Variants in GPC5 observed in about 807,000 individuals in gnomAD.
GPC5 encodes glypican-5.
Under a neutral mutation model 53.9 loss-of-function variants are expected in GPC5, and 47 were observed. That is an observed-to-expected ratio of 0.87 (90% confidence interval 0.69 to 1.11). The LOEUF is 1.11. Among genes scored for constraint, GPC5 ranks in the 50% most tolerant of loss-of-function variants. The probability of loss-of-function intolerance (pLI) is 0.00; values close to 1 mark genes in which losing one functional copy is unlikely to be tolerated. For synonymous variants in GPC5, 286 were observed against 263.3 expected (o/e 1.09, Z -0.84); for missense variants, 748 against 713.1 (o/e 1.05, Z -0.56).
At chr13:91,703,065 A>T (rs2036026710) in intron 3 of GPC5, among the ~76,000 whole-genome samples, 1 of 152,084 alleles carries the variant, frequency 6.6e-6, no homozygotes, top group Non-Finnish European at 1.5e-5. Context: ...TTTATTATTT[A>T]TTACCTTTTC....
At chr13:92,282,184 A>G (rs1335095169) in intron 7 of GPC5, among the ~76,000 whole-genome samples, 3 of 152,224 alleles carry the variant, frequency 2.0e-5, no homozygotes, top group Non-Finnish European at 2.9e-5. Context: ...AAGTGAGAAG[A>G]GAAGTTTAGA....
At chr13:91,897,492 A>G (rs1222371036) in intron 5 of GPC5, among the ~76,000 whole-genome samples, 1 of 152,082 alleles carries the variant, frequency 6.6e-6, no homozygotes, top group Non-Finnish European at 1.5e-5. Context: ...GCAGTCAGAG[A>G]GGTGTTCATA....
At chr13:91,479,191 G>T (rs113333650) in intron 2 of GPC5, among the ~76,000 whole-genome samples, 3,058 of 151,862 alleles carry the variant, frequency 0.02, 102 homozygotes, top group African/African-American at 0.069. Context: ...GGGATTACAG[G>T]CTTGAGCCAC....
chr13:92,402,032 C>T (rs538260892), intron 7 of GPC5, among the ~76,000 whole-genome samples: 136 of 152,190 alleles, frequency 8.9e-4, no homozygotes, highest in African/African-American at 3.1e-3. Context: ...TCAGAAGGCT[C>T]CTATTGAAAG....
chr13:92,798,468 T>A (rs1221751884), intron 7 of GPC5, among the ~76,000 whole-genome samples: 1 of 151,932 alleles, frequency 6.6e-6, no homozygotes, highest in East Asian at 1.9e-4. Flanking sequence ...TTCTTCATAT[T>A]GAGGATTTTT....
rs549207697 is a variant in GPC5, at chr13:92,612,501, G to T, written c.1562-253781G>T. ...CAGTAAAGCATATTTTATGGAGAGG[G>T]CTATTTCTGAGAAAAACTATAACAT... is the stretch of plus-strand genomic sequence containing the variant. On this transcript the variant is annotated intron_variant, in intron 7 of 7. Transcript: ENST00000377067. Among the ~76,000 whole-genome samples, 11 of 152,144 alleles carry T rather than the reference G, an allele frequency of 7.2e-5. No homozygotes were observed. In the East Asian group the frequency reaches 1.4e-3, roughly 19 times the overall value.
At chr13:92,521,454 G>C (rs910231700) in intron 7 of GPC5, among the ~76,000 whole-genome samples, 1 of 152,062 alleles carries the variant, frequency 6.6e-6, no homozygotes, top group Non-Finnish European at 1.5e-5. Context: ...ACAGAACAGA[G>C]GCCTCAGAGA....
intron 7 of GPC5, among the ~76,000 whole-genome samples, chr13:92,614,566 T>C (rs528908605): frequency 1.1e-3 from 160 of 152,296 alleles, no homozygotes; most frequent in African/African-American, 3.7e-3. Flanking sequence ...GGCAGAGTTG[T>C]GAGCTGCTTT....
At chr13:91,683,198 TAGAG>T (rs2035547850) in intron 2 of GPC5, among the ~76,000 whole-genome samples, 3 of 151,960 alleles carry the variant, frequency 2.0e-5, no homozygotes, top group Non-Finnish European at 4.4e-5. Context: ...AATGTGAGAT[TAGAG>T]TGATGTGGAT....
intron 7 of GPC5, among the ~76,000 whole-genome samples, chr13:92,202,078 C>G (rs779964287): frequency 4.6e-5 from 7 of 152,066 alleles, no homozygotes; most frequent in Non-Finnish European, 1.0e-4. Flanking sequence ...TAGATTATGT[C>G]AGAAGTCAGT....
At chr13:92,312,995 T>G (rs2043155524) in intron 7 of GPC5, among the ~76,000 whole-genome samples, 1 of 152,178 alleles carries the variant, frequency 6.6e-6, no homozygotes, top group Non-Finnish European at 1.5e-5. Context: ...GAAGGCTTAT[T>G]AATGTGTAAT....
chr13:92,860,808 CT>C (rs1879155608), intron 7 of GPC5, among the ~76,000 whole-genome samples: 1 of 151,952 alleles, frequency 6.6e-6, no homozygotes, highest in African/African-American at 2.4e-5. Flanking sequence ...AATTCTAATC[CT>C]TTATTTTACA....
At chr13:92,773,848 G>T (rs1231278212) in intron 7 of GPC5, among the ~76,000 whole-genome samples, 1 of 152,176 alleles carries the variant, frequency 6.6e-6, no homozygotes, top group African/African-American at 2.4e-5. Context: ...GGGTAATTTA[G>T]AAAGAAAAGA....
intron 6 of GPC5, among the ~76,000 whole-genome samples, chr13:92,108,163 T>G (rs2041524996): frequency 6.6e-6 from 1 of 152,152 alleles, no homozygotes; most frequent in African/African-American, 2.4e-5. Context: ...TTACATATTT[T>G]CTTGAAATTC....
chr13:91,432,302 T>G (rs1422245755), intron 1 of GPC5, among the ~76,000 whole-genome samples: 1 of 151,974 alleles, frequency 6.6e-6, no homozygotes, highest in Non-Finnish European at 1.5e-5. Flanking sequence ...AGAATGTTAC[T>G]TGTTGACTCC....
At chr13:92,527,211 AAG>A (rs1317090570) in intron 7 of GPC5, among the ~76,000 whole-genome samples, 1 of 34,060 alleles carries the variant, frequency 2.9e-5, no homozygotes. Context: ...GAAAGAAAGA[AAG>A]AAAGAAAGAA....
At chr13:92,239,395 A>AT (rs1391594989) in intron 7 of GPC5, among the ~76,000 whole-genome samples, 2 of 151,972 alleles carry the variant, frequency 1.3e-5, no homozygotes, top group Non-Finnish European at 1.5e-5. Flanking sequence ...TTACTTATTG[A>AT]TGCAAAATCA....
At chr13:92,604,483 G>T (rs1416769908) in intron 7 of GPC5, among the ~76,000 whole-genome samples, 1 of 152,154 alleles carries the variant, frequency 6.6e-6, no homozygotes, top group Non-Finnish European at 1.5e-5. Context: ...CCCTGTCTGG[G>T]CACCTAGAAC....
At chr13:92,171,121 C>T (rs942785606) in intron 7 of GPC5, among the ~76,000 whole-genome samples, 2 of 152,060 alleles carry the variant, frequency 1.3e-5, no homozygotes, top group Non-Finnish European at 2.9e-5. Context: ...ACAAGATATT[C>T]ATATCTGCCT....
Sources: gnomAD v4.1 joint callset for allele counts (sites outside exome capture counted in the v4.1 genomes callset) on GRCh38, gnomAD v4.1.1 for gene constraint, MANE v1.5 for transcripts, NCBI Gene and HGNC (gene_info 2026-07-23, HGNC 2026-07-21) for gene names.